Variants in FSHR observed in about 807,000 individuals in gnomAD.
The protein encoded by FSHR is follicle stimulating hormone receptor.
A neutral mutation model predicts 52.1 loss-of-function variants in FSHR; 46 were observed. The observed-to-expected ratio is 0.88, with a 90% CI of 0.70 to 1.13. The LOEUF (loss-of-function observed/expected upper bound fraction) is 1.13. FSHR is among the 50% of genes most tolerant of loss of function. The probability of loss-of-function intolerance (pLI) is 0.00; values close to 1 mark genes in which losing one functional copy is unlikely to be tolerated. For synonymous variants in FSHR, 399 were observed against 309.6 expected, an observed-to-expected ratio of 1.29 and a Z score of -3.03; for missense variants, 964 against 834.6, an observed-to-expected ratio of 1.16 and a Z score of -1.91.
In FSHR at chr2:49,020,053, G is replaced by A. The variant is rs140715301; in HGVS notation, c.299+33C>T. 9.0e-4 allele frequency: 1,423 copies of A among 1,575,502 alleles called. 23 individuals carry two copies. In the East Asian group the frequency reaches 0.028, roughly 31 times the overall value. ...AACTTTAAGGGTTTTTTCAAGAATG[G>A]CCATGAGCAAATCCCCCAATCTTCT... On this transcript the variant is annotated intron_variant, in intron 3 of 9. Coordinates refer to ENST00000406846, the MANE Select transcript of FSHR (RefSeq NM_000145.4).
At chr2:49,017,092 T>C (rs1667516308) in intron 4 of FSHR, among the ~76,000 whole-genome samples, 1 of 152,148 alleles carries the variant, frequency 6.6e-6, no homozygotes. Flanking sequence ...AATAAAATGC[T>C]GATATTTATC....
intron 9 of FSHR, 113 bp downstream of exon 9, chr2:48,968,585 G>A: frequency 1.6e-6 from 2 of 1,267,104 alleles, no homozygotes; most frequent in South Asian, 2.5e-5. Context: ...CAAAGGGCTT[G>A]AGACAGGGAA....
intron 2 of FSHR, among the ~76,000 whole-genome samples, chr2:49,042,146 T>C (rs527702175): frequency 3.3e-5 from 5 of 152,286 alleles, no homozygotes; most frequent in Admixed American, 3.3e-4. Flanking sequence ...GAAATATTTC[T>C]AGGGGCATAG....
Position 48,968,872 on chromosome 2 carries a change from C to G in FSHR, c.680G>C (p.Arg227Thr). The change falls in exon 9 of 10, where the codon AGA becomes ACA. Residue 227 changes from arginine to threonine, a missense_variant. Coordinates refer to ENST00000406846, the MANE Select transcript of FSHR (RefSeq NM_000145.4). ...GCTAGGCAGGGAATGGATCCTTGTTCTTGAAATATCTCTATAAAGAGAAAA... is the reference window on the plus strand; with the variant it reads ...GCTAGGCAGGGAATGGATCCTTGTTGTTGAAATATCTCTATAAAGAGAAAA... ...ASGPVILDIS[R>T]TRIHSLPSYG... 1 of 1,613,352 alleles carries G rather than the reference C, an allele frequency of 6.2e-7. No homozygotes were observed. Among genetic ancestry groups the G allele is most frequent in the Non-Finnish European group, 8.5e-7 (1 of 1,179,778 alleles).
At chr2:48,966,253 A>C (rs556423280) in intron 9 of FSHR, among the ~76,000 whole-genome samples, 3 of 152,210 alleles carry the variant, frequency 2.0e-5, no homozygotes, top group Non-Finnish European at 4.4e-5. Flanking sequence ...CTTGAGGTCT[A>C]GGCCCTGTGT....
rs142538515 is a variant in FSHR, at chr2:49,004,376, G to T, written c.374+13113C>A. ...TGCAAGATCTCAGCATTTGAATCCT[G>T]GGGAAGAGGAGCTGGGAAGTGAAGT... On this transcript the variant is annotated intron_variant, in intron 4 of 9. Coordinates refer to ENST00000406846, the MANE Select transcript of FSHR (RefSeq NM_000145.4). Among the ~76,000 whole-genome samples, 46 of 152,282 alleles carry T rather than the reference G, an allele frequency of 3.0e-4. No homozygotes were observed. The South Asian group carries it at 5.4e-3, about 18-fold the overall frequency.
chr2:49,141,712 T>C (rs1672694236), intron 1 of FSHR, among the ~76,000 whole-genome samples: 1 of 152,142 alleles, frequency 6.6e-6, no homozygotes, highest in African/African-American at 2.4e-5. Context: ...GGAGACAAAA[T>C]AATACATAAG....
chr2:49,125,022 C>T (rs921324122), intron 1 of FSHR, among the ~76,000 whole-genome samples: 1 of 152,200 alleles, frequency 6.6e-6, no homozygotes, highest in Non-Finnish European at 1.5e-5. Flanking sequence ...GTGTTCCTGT[C>T]CCAGAGTCAC....
At position 49,054,436 on chromosome 2, in the gene FSHR, A is replaced by G. The variant is rs560585379; in HGVS notation, c.224+13783T>C. Among the ~76,000 whole-genome samples the G allele has an allele frequency of 1.5e-3, 235 of 152,196 alleles. 2 individuals carry two copies. The highest frequency in any genetic ancestry group is 5.3e-3 in the African/African-American group (222 of 41,524). ...ACATCAGCCAGTAGGCCATCCAACC[A>G]TGTCCAAGGCCTGCAAAACATCCCT... On this transcript the variant is annotated intron_variant, in intron 2 of 9. Coordinates refer to ENST00000406846, the MANE Select transcript of FSHR (RefSeq NM_000145.4).
At chr2:49,072,067 G>C (rs903885408) in intron 1 of FSHR, among the ~76,000 whole-genome samples, 1 of 152,056 alleles carries the variant, frequency 6.6e-6, no homozygotes, top group Non-Finnish European at 1.5e-5. Context: ...AAAACATATT[G>C]ACCAAGAACT....
At chr2:48,981,555 A>T (rs540483836) in intron 8 of FSHR, among the ~76,000 whole-genome samples, 1 of 152,350 alleles carries the variant, frequency 6.6e-6, no homozygotes, top group African/African-American at 2.4e-5. Flanking sequence ...CTCCATTTGT[A>T]TAGGTTGCCT....
chr2:49,038,447 C>T (rs1050554934), intron 2 of FSHR, among the ~76,000 whole-genome samples: 1 of 151,574 alleles, frequency 6.6e-6, no homozygotes, highest in African/African-American at 2.4e-5. Flanking sequence ...CGGTGAAACC[C>T]CGTCTCTACT....
At chr2:48,968,641 G>A in intron 9 of FSHR, 57 bp downstream of exon 9, 4 of 1,571,648 alleles carry the variant, frequency 2.5e-6, no homozygotes, top group Middle Eastern at 1.7e-4. Context: ...GGTAGAAATT[G>A]TGGACAAAGT....
chr2:49,040,647 G>T (rs1237776962), intron 2 of FSHR, among the ~76,000 whole-genome samples: 1 of 152,184 alleles, frequency 6.6e-6, no homozygotes, highest in African/African-American at 2.4e-5. Context: ...GGCATGAGTA[G>T]AGATAAGAAG....
At chr2:49,029,524 C>T (rs1388665504) in intron 2 of FSHR, among the ~76,000 whole-genome samples, 1 of 152,178 alleles carries the variant, frequency 6.6e-6, no homozygotes, top group African/African-American at 2.4e-5. Context: ...TTTGGCAAAT[C>T]ACTGGAGCTT....
intron 1 of FSHR, among the ~76,000 whole-genome samples, chr2:49,124,664 C>G (rs1321633186): frequency 1.3e-5 from 2 of 152,136 alleles, no homozygotes; most frequent in Non-Finnish European, 2.9e-5. Flanking sequence ...TCAAACTATG[C>G]CCAGAATCCG....
intron 1 of FSHR, among the ~76,000 whole-genome samples, chr2:49,124,769 G>C (rs1671942192): frequency 6.6e-6 from 1 of 152,056 alleles, no homozygotes; most frequent in South Asian, 2.1e-4. Flanking sequence ...TCATCTTCCT[G>C]TTTCTCCTTT....
At chr2:49,097,559 G>A (rs1472213972) in intron 1 of FSHR, among the ~76,000 whole-genome samples, 1 of 152,164 alleles carries the variant, frequency 6.6e-6, no homozygotes, top group African/African-American at 2.4e-5. Context: ...GGAATGAAGT[G>A]AAGATTTTCA....
At chr2:49,152,980 A>T (rs1673116939) in intron 1 of FSHR, among the ~76,000 whole-genome samples, 1 of 152,256 alleles carries the variant, frequency 6.6e-6, no homozygotes, top group Admixed American at 6.5e-5. Flanking sequence ...CATAATCAGG[A>T]GTAGCTGTCT....
Sources: gnomAD v4.1 joint callset for allele counts (sites outside exome capture counted in the v4.1 genomes callset) on GRCh38, gnomAD v4.1.1 for gene constraint, MANE v1.5 for transcripts, NCBI Gene and HGNC (gene_info 2026-07-23, HGNC 2026-07-21) for gene names.